NXPH1: variants seen among roughly 807,000 people sequenced by gnomAD.
The protein encoded by NXPH1 is neurexophilin 1.
In NXPH1, 5 loss-of-function variants were observed where a neutral mutation model predicts 23.7. The ratio of observed to expected loss-of-function variants is 0.21; its 90% CI spans 0.11 to 0.44. The LOEUF (loss-of-function observed/expected upper bound fraction) is 0.44, where lower values mean the gene tolerates loss of function less well. Ranked by LOEUF, NXPH1 falls within the 20% of genes least tolerant of loss-of-function variation. The pLI, the probability that NXPH1 is intolerant of heterozygous loss-of-function variation, is 0.99. For synonymous variants in NXPH1, 144 were observed against 122.2 expected (o/e 1.18, Z -1.18); for missense variants, 324 against 321.6 (o/e 1.01, Z -0.06).
chr7:8,468,396 A>G (rs10282272), intron 2 of NXPH1, among the ~76,000 whole-genome samples: 27,000 of 152,080 alleles, frequency 0.18, 6,339 homozygotes, highest in African/African-American at 0.54. Context: ...TCTTCTTTGA[A>G]AATGCTGACC....
chr7:8,734,430 T>G (rs1780211728), intron 2 of NXPH1, among the ~76,000 whole-genome samples: 1 of 152,194 alleles, frequency 6.6e-6, no homozygotes, highest in South Asian at 2.1e-4. Context: ...GGTAGCTTGA[T>G]GGGGATAGCA....
intron 2 of NXPH1, among the ~76,000 whole-genome samples, chr7:8,700,102 T>C (rs4720790): frequency 0.34 from 52,375 of 151,958 alleles, 9,150 homozygotes; most frequent in East Asian, 0.45. Flanking sequence ...AGAGCACATG[T>C]TTAAAAGCTC....
At chr7:8,541,122 A>T (rs953462002) in intron 2 of NXPH1, among the ~76,000 whole-genome samples, 4 of 151,944 alleles carry the variant, frequency 2.6e-5, no homozygotes, top group Middle Eastern at 3.4e-3. Flanking sequence ...TCCAGAGATG[A>T]CATGAATGTT....
intron 2 of NXPH1, among the ~76,000 whole-genome samples, chr7:8,479,501 A>G (rs1162755015): frequency 6.6e-6 from 1 of 152,112 alleles, no homozygotes; most frequent in African/African-American, 2.4e-5. Flanking sequence ...CATATGTATA[A>G]ATGTATATCT....
At chr7:8,500,545 T>C (rs1028398721) in intron 2 of NXPH1, among the ~76,000 whole-genome samples, 6 of 152,098 alleles carry the variant, frequency 3.9e-5, no homozygotes, top group African/African-American at 1.4e-4. Context: ...TGAAAATTCA[T>C]AACAGTGCCT....
chr7:8,528,352 CA>C (rs1389489830), intron 2 of NXPH1, among the ~76,000 whole-genome samples: 16 of 152,254 alleles, frequency 1.1e-4, no homozygotes, highest in African/African-American at 3.9e-4. Context: ...CTTGGGGCTA[CA>C]GCCTGGACAT....
At chr7:8,458,128 T>G (rs1355552004) in intron 2 of NXPH1, among the ~76,000 whole-genome samples, 1 of 152,252 alleles carries the variant, frequency 6.6e-6, no homozygotes, top group African/African-American at 2.4e-5. Flanking sequence ...TTTAATCTGA[T>G]TGCATATATT....
intron 2 of NXPH1, among the ~76,000 whole-genome samples, chr7:8,560,787 T>G (rs111962924): frequency 6.6e-6 from 1 of 151,692 alleles, no homozygotes; most frequent in Non-Finnish European, 1.5e-5. Context: ...GGGCTTTTCT[T>G]TGGCATTTAG....
rs1297972750 is a variant in NXPH1 at position 8,442,356 on chromosome 7, C to A, written c.54+6589C>A. Among the ~76,000 whole-genome samples the A allele has an allele frequency of 6.6e-6, 1 of 152,166 alleles. No individual in the cohort carries two copies. The highest frequency in any genetic ancestry group is 3.2e-3 in the Middle Eastern group (1 of 316). Reference sequence around the variant, plus strand: ...TAGAAACTGGCTTGCGGGAGCTCTGCGCGTCCCCGCTGAACCTGCCTCTGG... The same window carrying A: ...TAGAAACTGGCTTGCGGGAGCTCTGAGCGTCCCCGCTGAACCTGCCTCTGG... On this transcript the variant is annotated intron_variant, in intron 2 of 2. Transcript: ENST00000405863. This position sits in a 1 kb window ranked among gnomAD's most constrained non-coding sequence, Gnocchi z 4.6.
At chr7:8,733,630 C>A (rs969746086) in intron 2 of NXPH1, among the ~76,000 whole-genome samples, 1 of 152,054 alleles carries the variant, frequency 6.6e-6, no homozygotes, top group Non-Finnish European at 1.5e-5. Flanking sequence ...CTCTAATGAC[C>A]AGTGATGAGC....
In NXPH1 at chr7:8,752,163, A is replaced by T. The variant is rs183295962; in HGVS notation, c.*394A>T. ...TAACTAGACAGAGAATGTTTCTAAC[A>T]GTTGCTGTTATGGAAATCTCTTTTA... On this transcript the variant is annotated 3_prime_UTR_variant, in exon 3 of 3. Coordinates refer to ENST00000405863, the MANE Select transcript of NXPH1 (RefSeq NM_152745.3). The T allele has an allele frequency of 5.6e-6, 1 of 179,230 alleles. No homozygotes were observed. Among genetic ancestry groups the T allele is most frequent in the Non-Finnish European group, 1.2e-5 (1 of 82,524 alleles). The allele number at this position is 179,230 out of a possible 1,614,324, so 11.1% of individuals were successfully genotyped here.
intron 2 of NXPH1, among the ~76,000 whole-genome samples, chr7:8,695,688 C>T (rs1821297634): frequency 6.6e-6 from 1 of 152,062 alleles, no homozygotes; most frequent in Non-Finnish European, 1.5e-5. Flanking sequence ...TATTTTGTGC[C>T]ATAGTTAAAC....
At chr7:8,730,017 G>C (rs1411729856) in intron 2 of NXPH1, among the ~76,000 whole-genome samples, 1 of 151,962 alleles carries the variant, frequency 6.6e-6, no homozygotes, top group African/African-American at 2.4e-5. Context: ...TATGAATCTG[G>C]GTGCTCCTAT....
At chr7:8,742,572 T>C (rs548622120) in intron 2 of NXPH1, among the ~76,000 whole-genome samples, 3 of 118,472 alleles carry the variant, frequency 2.5e-5, no homozygotes, top group African/African-American at 7.7e-5. Context: ...ATTTTGTTAA[T>C]TGGAAAATAT....
intron 2 of NXPH1, among the ~76,000 whole-genome samples, chr7:8,478,292 C>G (rs1386960468): frequency 2.0e-5 from 3 of 151,682 alleles, no homozygotes; most frequent in African/African-American, 7.3e-5. Flanking sequence ...TAAAAATAAG[C>G]TAAAACTTTA....
At chr7:8,571,805 G>A (rs917816950) in intron 2 of NXPH1, among the ~76,000 whole-genome samples, 9 of 151,708 alleles carry the variant, frequency 5.9e-5, no homozygotes, top group African/African-American at 2.2e-4. Context: ...CATAGACTTG[G>A]CAGGAATTCA....
At chr7:8,633,871 A>T (rs772129187) in intron 2 of NXPH1, among the ~76,000 whole-genome samples, 1 of 152,094 alleles carries the variant, frequency 6.6e-6, no homozygotes, top group Non-Finnish European at 1.5e-5. Flanking sequence ...ATATTTTTCA[A>T]TTTTTTGTGT....
At chr7:8,514,246 T>C (rs542845817) in intron 2 of NXPH1, among the ~76,000 whole-genome samples, 1 of 152,280 alleles carries the variant, frequency 6.6e-6, no homozygotes, top group South Asian at 2.1e-4. Context: ...CATTCTGCTT[T>C]TTATATTAGT....
rs148250487 is a variant in NXPH1 at position 8,451,466 on chromosome 7, A to G, written c.54+15699A>G. Among the ~76,000 whole-genome samples, 45 of 152,340 alleles carry G rather than the reference A, an allele frequency of 3.0e-4. No individual in the cohort carries two copies. In the East Asian group the frequency reaches 7.1e-3, roughly 24 times the overall value. ...GAGCTGAACAAATTATTTTGGGAATATGAACATACCAATGTCATCCCAAGT... is the reference window on the plus strand; with the variant it reads ...GAGCTGAACAAATTATTTTGGGAATGTGAACATACCAATGTCATCCCAAGT... On this transcript the variant is annotated intron_variant, in intron 2 of 2. Transcript: ENST00000405863.
Sources: allele counts gnomAD v4.1 joint callset (sites outside exome capture counted in the v4.1 genomes callset), GRCh38; gene constraint gnomAD v4.1.1; non-coding constraint Gnocchi (gnomAD v3.1); transcripts MANE v1.5; gene names NCBI Gene and HGNC (gene_info 2026-07-23, HGNC 2026-07-21).